CACNA2D1: variants seen among roughly 807,000 people sequenced by gnomAD.
CACNA2D1 encodes the protein voltage-dependent calcium channel subunit alpha-2/delta-1.
Under a neutral mutation model 171.5 loss-of-function variants are expected in CACNA2D1, and 53 were observed. The observed-to-expected ratio is 0.31, with a 90% CI of 0.25 to 0.39. CACNA2D1 has a LOEUF of 0.39. Ranked by LOEUF, CACNA2D1 falls within the 10% of genes least tolerant of loss-of-function variation. The probability of loss-of-function intolerance (pLI) is 1.00; values close to 1 mark genes in which losing one functional copy is unlikely to be tolerated. For synonymous variants in CACNA2D1, 442 were observed against 443.1 expected, an observed-to-expected ratio of 1.00 and a Z score of 0.03; for missense variants, 903 against 1,299.8, an observed-to-expected ratio of 0.69 and a Z score of 4.69.
chr7:82,399,449 A>C (rs1000298019), intron 1 of CACNA2D1, among the ~76,000 whole-genome samples: 1 of 152,092 alleles, frequency 6.6e-6, no homozygotes, highest in Non-Finnish European at 1.5e-5. Context: ...CAAAAAAAAA[A>C]ACAAAAAAAC....
At chr7:82,351,867 C>G (rs529010612) in intron 1 of CACNA2D1, among the ~76,000 whole-genome samples, 251 of 152,176 alleles carry the variant, frequency 1.6e-3, no homozygotes, top group Non-Finnish European at 2.9e-3. Context: ...TGAACAAGTC[C>G]TAGAACCTAC....
intron 18 of CACNA2D1, among the ~76,000 whole-genome samples, chr7:82,000,337 A>G (rs1798458897): frequency 6.6e-6 from 1 of 152,074 alleles, no homozygotes; most frequent in South Asian, 2.1e-4. Flanking sequence ...TTAAATCAGA[A>G]TTTTCAGAGG....
intron 1 of CACNA2D1, among the ~76,000 whole-genome samples, chr7:82,409,355 A>C (rs1008166895): frequency 6.6e-6 from 1 of 152,176 alleles, no homozygotes; most frequent in African/African-American, 2.4e-5. Context: ...TGCACCTTAC[A>C]GAGTTCCCCA....
intron 6 of CACNA2D1, among the ~76,000 whole-genome samples, chr7:82,096,508 A>G (rs1233259106): frequency 3.3e-5 from 5 of 152,072 alleles, no homozygotes; most frequent in East Asian, 3.9e-4. Context: ...ATCCTCTCTG[A>G]AGAACTGTAT....
At chr7:82,369,770 C>T (rs149307059) in intron 1 of CACNA2D1, among the ~76,000 whole-genome samples, 1 of 152,056 alleles carries the variant, frequency 6.6e-6, no homozygotes, top group Non-Finnish European at 1.5e-5. Flanking sequence ...TAAGAGTGAA[C>T]ATCAACAATT....
intron 3 of CACNA2D1, among the ~76,000 whole-genome samples, chr7:82,288,458 CAT>C (rs1390645538): frequency 2.2e-5 from 3 of 135,358 alleles, no homozygotes; most frequent in African/African-American, 5.5e-5. Flanking sequence ...CACACACACA[CAT>C]TTGAATGCTT....
chr7:82,140,105 C>A (rs565767756), intron 4 of CACNA2D1, among the ~76,000 whole-genome samples: 3 of 152,068 alleles, frequency 2.0e-5, no homozygotes, highest in African/African-American at 7.2e-5. Context: ...CATTTCCATT[C>A]TAAAAGAGTT....
chr7:81,963,917 T>C (rs1794432155), intron 34 of CACNA2D1, 139 bp downstream of exon 34: 10 of 696,936 alleles, frequency 1.4e-5, no homozygotes, highest in Non-Finnish European at 2.3e-5. Context: ...ATATTACCAA[T>C]AGGTGATGTA....
intron 3 of CACNA2D1, among the ~76,000 whole-genome samples, chr7:82,190,905 G>A (rs1239279078): frequency 6.6e-6 from 1 of 151,586 alleles, no homozygotes; most frequent in Non-Finnish European, 1.5e-5. Context: ...TCTTAAAAGG[G>A]AGAGAATGCC....
chr7:81,952,145 A>T (rs751225334), intron 38 of CACNA2D1, among the ~76,000 whole-genome samples: 55 of 151,100 alleles, frequency 3.6e-4, no homozygotes, highest in Non-Finnish European at 6.6e-4. Context: ...AGAACTGTCT[A>T]TTCATGTTTT....
At chr7:82,041,517 C>G (rs1228629378) in intron 10 of CACNA2D1, among the ~76,000 whole-genome samples, 2 of 152,116 alleles carry the variant, frequency 1.3e-5, no homozygotes, top group African/African-American at 4.8e-5. Context: ...AAAGAAAAAA[C>G]AAGAGGTAAA....
At chr7:82,227,340 A>G (rs1313883087) in intron 3 of CACNA2D1, among the ~76,000 whole-genome samples, 3 of 152,214 alleles carry the variant, frequency 2.0e-5, no homozygotes, top group Admixed American at 6.5e-5. Flanking sequence ...AGTGCAACTG[A>G]TCTGAAAGAA....
At chr7:82,021,227 T>C (rs916945610) in intron 12 of CACNA2D1, 32 of 152,112 alleles carry the variant, frequency 2.1e-4, no homozygotes, top group African/African-American at 7.7e-4. Flanking sequence ...AGCTGTATGG[T>C]GATTTATTTC....
intron 10 of CACNA2D1, among the ~76,000 whole-genome samples, chr7:82,047,463 T>C (rs566120581): frequency 1.3e-5 from 2 of 152,132 alleles, no homozygotes; most frequent in Non-Finnish European, 2.9e-5. Flanking sequence ...ACAATAAGAA[T>C]GGCATACATA....
intron 1 of CACNA2D1, among the ~76,000 whole-genome samples, chr7:82,424,195 C>A (rs1828971771): frequency 1.3e-5 from 2 of 152,032 alleles, no homozygotes; most frequent in Admixed American, 1.3e-4. Flanking sequence ...AAATCCTGAA[C>A]AAATCAGACA....
Position 82,153,085 on chromosome 7 carries a change from C to T in CACNA2D1, c.355-16409G>A, listed in dbSNP as rs1005200703. 7.3e-5 allele frequency among the ~76,000 whole-genome samples: 11 copies of T among 149,794 alleles called. No individual in the cohort carries two copies. The South Asian group carries it at 1.5e-3, about 20-fold the overall frequency. On this transcript the variant is annotated intron_variant, in intron 4 of 38. Coordinates refer to ENST00000356860, the MANE Select transcript of CACNA2D1 (RefSeq NM_000722.4). ...TGTGCAATCCTTCTAAACTTGCACA[C>T]TAGATCAAATGAAATTACTTTCAGA... is the stretch of plus-strand genomic sequence containing the variant.
intron 1 of CACNA2D1, among the ~76,000 whole-genome samples, chr7:82,356,490 G>A (rs1297487868): frequency 6.6e-6 from 1 of 151,962 alleles, no homozygotes; most frequent in African/African-American, 2.4e-5. Context: ...TCCTTTAATT[G>A]TGCTGTGCGC....
chr7:82,171,973 T>C (rs1037970759), intron 3 of CACNA2D1, among the ~76,000 whole-genome samples: 30 of 150,654 alleles, frequency 2.0e-4, no homozygotes, highest in South Asian at 1.0e-3. Flanking sequence ...ATGTATTGGC[T>C]TCTATCCCTG....
At chr7:82,282,197 C>T (rs1810201150) in intron 3 of CACNA2D1, among the ~76,000 whole-genome samples, 1 of 152,118 alleles carries the variant, frequency 6.6e-6, no homozygotes, top group Non-Finnish European at 1.5e-5. Context: ...ACTTCGGAGG[C>T]TGAGGTAGGA....
Sources: allele counts gnomAD v4.1 joint callset (sites outside exome capture counted in the v4.1 genomes callset), GRCh38; gene constraint gnomAD v4.1.1; transcripts MANE v1.5; gene names NCBI Gene and HGNC (gene_info 2026-07-23, HGNC 2026-07-21).